The following CDH23 variants were observed in gnomAD, a reference collection of about 807,000 sequenced individuals.
CDH23 encodes the protein cadherin related 23.
In CDH23, 189 loss-of-function variants were observed where a neutral mutation model predicts 317.1. The observed-to-expected ratio is 0.60, with a 90% CI of 0.53 to 0.67. The LOEUF (loss-of-function observed/expected upper bound fraction) is 0.67, where lower values mean the gene tolerates loss of function less well. Ranked by LOEUF, CDH23 falls within the 30% of genes least tolerant of loss-of-function variation. The pLI is 0.00. For missense variants in CDH23, 4,401 were observed against 4,592.4 expected, an observed-to-expected ratio of 0.96 and a Z score of 1.20; for synonymous variants, 1,839 against 1,876.8, an observed-to-expected ratio of 0.98 and a Z score of 0.52.
At chr10:71,713,563 G>A in intron 28 of CDH23, 1 of 460,450 alleles carries the variant, frequency 2.2e-6, no homozygotes, top group Non-Finnish European at 3.9e-6. Flanking sequence ...AAAGGGCTGG[G>A]GAGCAGGGAG....
intron 1 of CDH23, among the ~76,000 whole-genome samples, chr10:71,407,530 C>T (rs1848149632): frequency 6.6e-6 from 1 of 152,150 alleles, no homozygotes; most frequent in African/African-American, 2.4e-5. Context: ...TTGCCTGGAC[C>T]CCAGCCCTTC....
In CDH23 at chr10:71,721,531, C is replaced by A. The variant is rs577653727; in HGVS notation, c.3370-2514C>A. 5.9e-5 allele frequency among the ~76,000 whole-genome samples: 9 copies of A among 152,300 alleles called. No individual in the cohort carries two copies. The Middle Eastern group carries it at 0.01, about 173-fold the overall frequency. The stretch of plus-strand genomic sequence containing the variant: ...GGCTCAAGGGGGCTAAAGTACTTAT[C>A]CATAGTGCCATAGAGAGTAAGTGAC... On this transcript the variant is annotated intron_variant, in intron 28 of 69. Transcript: ENST00000224721.
intron 28 of CDH23, chr10:71,716,084 G>T: frequency 6.5e-7 from 1 of 1,527,312 alleles, no homozygotes; most frequent in Non-Finnish European, 8.8e-7. Flanking sequence ...CCGGAGCTGG[G>T]GCTCACTGGG....
At chr10:71,742,230 T>G in intron 38 of CDH23, among the ~76,000 whole-genome samples, 1 of 152,218 alleles carries the variant, frequency 6.6e-6, no homozygotes, top group East Asian at 1.9e-4. Context: ...TATTGGGGCC[T>G]GGCCCAGGGA....
rs114581093 is a variant in CDH23, at chr10:71,511,354, G to A, written c.429+142G>A. On this transcript the variant is annotated intron_variant, in intron 6 of 69. Coordinates refer to ENST00000224721, the MANE Select transcript of CDH23 (RefSeq NM_022124.6). ...CAGCCCAGGTGCCAACTCTGAGCAG[G>A]TTGGCGAACATGCTGGTACCCTGGG... 3.9e-4 allele frequency: 307 copies of A among 785,858 alleles called. No individual in the cohort carries two copies. The African/African-American group carries it at 4.9e-3, about 12-fold the overall frequency. 48.7% of individuals were successfully genotyped at this position (785,858 alleles called of 1,614,324 possible).
intron 11 of CDH23, among the ~76,000 whole-genome samples, chr10:71,625,888 G>A (rs998260823): frequency 2.0e-5 from 3 of 152,146 alleles, no homozygotes; most frequent in African/African-American, 7.2e-5. Flanking sequence ...GTGAGCCGCA[G>A]CATTCTTTTA....
At chr10:71,702,320 C>G in intron 23 of CDH23, 109 bp downstream of exon 23, 1 of 1,274,492 alleles carries the variant, frequency 7.8e-7, no homozygotes, top group Non-Finnish European at 1.1e-6. Flanking sequence ...TATGTCTGAT[C>G]ACCAAGAGTA....
In CDH23 at chr10:71,706,935, G is replaced by A. The variant is rs2132746016; in HGVS notation, c.2992G>A (p.Ala998Thr). ...VNDETPTFFP[A>T]VYNVSVSEDV... ...CGACGAGACGCCCACCTTCTTCCCG[G>A]CCGTGTACAATGTGTCTGTGTCCGA... Residue 998 changes from alanine (A) to threonine (T), a missense_variant, in exon 26 of 70, where the codon GCC (alanine) becomes ACC (threonine). By Grantham distance (58) the Ala-to-Thr change is moderately conservative (BLOSUM62 0). Coordinates refer to ENST00000224721, the MANE Select transcript of CDH23 (RefSeq NM_022124.6). The A allele has an allele frequency of 6.2e-7, 1 of 1,606,212 alleles. No homozygotes were observed. Among genetic ancestry groups the A allele is most frequent in the Middle Eastern group, 1.7e-4 (1 of 6,052 alleles).
intron 6 of CDH23, among the ~76,000 whole-genome samples, chr10:71,560,689 C>T (rs545123953): frequency 6.6e-6 from 1 of 151,932 alleles, no homozygotes; most frequent in South Asian, 2.1e-4. Flanking sequence ...GGGCAGAATC[C>T]CACTAGCCCC....
intron 6 of CDH23, among the ~76,000 whole-genome samples, chr10:71,518,140 C>T (rs1426689256): frequency 6.6e-6 from 1 of 152,046 alleles, no homozygotes; most frequent in East Asian, 1.9e-4. Context: ...CACTGTCTTT[C>T]ATTTGTCCTC....
chr10:71,498,505 C>T (rs1410441383), intron 3 of CDH23, among the ~76,000 whole-genome samples: 1 of 152,220 alleles, frequency 6.6e-6, no homozygotes, highest in Non-Finnish European at 1.5e-5. Context: ...GGTCTGCCCG[C>T]TGGACTGTCA....
chr10:71,784,971 C>T lies in CDH23; in HGVS notation c.5583C>T (p.Ser1861=), dbSNP rs769508743. 22 of 1,613,930 alleles carry T rather than the reference C, an allele frequency of 1.4e-5. No individual in the cohort carries two copies. Among genetic ancestry groups the T allele is most frequent in the Admixed American group, 5.0e-5 (3 of 60,014 alleles). The part of the protein sequence containing the change: ...LLNLPMNITI[S]ENSPVSSFVA... Reference sequence around the variant, plus strand: ...ACCTGCCCATGAACATCACCATCAGCGAGAACAGCCCTGTCTCCAGCTTTG... The same window carrying T: ...ACCTGCCCATGAACATCACCATCAGTGAGAACAGCCCTGTCTCCAGCTTTG... Residue 1861 remains serine (S), a synonymous_variant, in exon 43 of 70, where the codon AGC becomes AGT. Coordinates refer to ENST00000224721, the MANE Select transcript of CDH23 (RefSeq NM_022124.6).
intron 43 of CDH23, 75 bp downstream of exon 43, chr10:71,785,175 C>A: frequency 7.9e-7 from 1 of 1,263,906 alleles, no homozygotes; most frequent in East Asian, 2.3e-5. Flanking sequence ...AGAGGCTTTT[C>A]TGCTGCCACC....
chr10:71,423,605 C>G (rs1377181964), intron 1 of CDH23, among the ~76,000 whole-genome samples: 1 of 152,104 alleles, frequency 6.6e-6, no homozygotes, highest in African/African-American at 2.4e-5. Context: ...GGGAGGGAGG[C>G]AGAGAAGCTG....
chr10:71,574,171 TCTCCCCAA>T (rs1330675510), intron 8 of CDH23, among the ~76,000 whole-genome samples: 1 of 141,514 alleles, frequency 7.1e-6, no homozygotes, highest in Admixed American at 7.0e-5. Flanking sequence ...CTTTCCCCAC[TCTCCCCAA>T]CTCCCCCTCT....
intron 38 of CDH23, among the ~76,000 whole-genome samples, chr10:71,774,568 G>T (rs1840774155): frequency 6.6e-6 from 1 of 152,226 alleles, no homozygotes; most frequent in Non-Finnish European, 1.5e-5. Flanking sequence ...TGAGACCCTA[G>T]CACAAAGCTG....
intron 3 of CDH23, among the ~76,000 whole-genome samples, chr10:71,456,062 A>G (rs1486685902): frequency 6.6e-6 from 1 of 151,646 alleles, no homozygotes; most frequent in Non-Finnish European, 1.5e-5. Context: ...TGAGCTCGGG[A>G]ATTGAAGTTT....
At chr10:71,726,734 T>C (rs893978981) in intron 30 of CDH23, among the ~76,000 whole-genome samples, 3 of 152,244 alleles carry the variant, frequency 2.0e-5, no homozygotes, top group Admixed American at 1.3e-4. Flanking sequence ...TGGGGCCTAC[T>C]TCAGGGCACA....
chr10:71,554,036 A>C (rs1236062334), intron 6 of CDH23, among the ~76,000 whole-genome samples: 2 of 152,218 alleles, frequency 1.3e-5, no homozygotes, highest in Non-Finnish European at 2.9e-5. Flanking sequence ...GTCTATACAC[A>C]TTTCCACCTT....
Sources: gnomAD v4.1 joint callset for allele counts (sites outside exome capture counted in the v4.1 genomes callset) on GRCh38, gnomAD v4.1.1 for gene constraint, MANE v1.5 for transcripts, NCBI Gene and HGNC (gene_info 2026-07-23, HGNC 2026-07-21) for gene names.